The following ZNF766 variants were observed in gnomAD, a reference collection of about 807,000 sequenced individuals.
The protein encoded by ZNF766 is zinc finger protein 766.
Under a neutral mutation model 13.2 loss-of-function variants are expected in ZNF766, and 13 were observed. That is an observed-to-expected ratio of 0.98 (90% confidence interval 0.64 to 1.56). The LOEUF (loss-of-function observed/expected upper bound fraction) is 1.56. Among genes scored for constraint, ZNF766 ranks in the 40% most tolerant of loss-of-function variants. The probability of loss-of-function intolerance (pLI) is 0.00; values close to 1 mark genes in which losing one functional copy is unlikely to be tolerated. For synonymous variants in ZNF766, 178 were observed against 187.6 expected (o/e 0.95, Z 0.42); for missense variants, 521 against 552.2 (o/e 0.94, Z 0.57).
In ZNF766 at chr19:52,294,064, T is replaced by C. The variant is rs1982259172; in HGVS notation, c.*2866T>C. On this transcript the variant is annotated 3_prime_UTR_variant, in exon 4 of 4. Transcript: ENST00000439461. ...ATTATGTTTCTGTGTGCCTTTTTCT[T>C]GTGTGCCAAGTAAGACCCATGGCAG... 6.6e-6 allele frequency: 1 copy of C among 152,152 alleles called. No homozygotes were observed. 9.4% of individuals were successfully genotyped at this position (152,152 alleles called of 1,614,324 possible). A position where few individuals can be genotyped will look rare whatever the true frequency, so the allele number is the denominator to read the frequency against.
Position 52,286,187 on chromosome 19 carries a change from T to TCCCCC in ZNF766, c.274+2774_274+2775insCCCCC, listed in dbSNP as rs1217551547. Among the ~76,000 whole-genome samples the TCCCCC allele has an allele frequency of 5.4e-3, 684 of 126,736 alleles. 15 individuals are homozygous for TCCCCC. The highest frequency in any genetic ancestry group is 0.014 in the African/African-American group (436 of 31,392). The allele number at this position is 126,736 out of a possible 152,430, so 83.1% of individuals were successfully genotyped here. A position where few individuals can be genotyped will look rare whatever the true frequency, so the allele number is the denominator to read the frequency against. On this transcript the variant is annotated intron_variant, in intron 3 of 3. Coordinates refer to ENST00000439461, the MANE Select transcript of ZNF766 (RefSeq NM_001010851.3). ...AGAAAGAAAGAATCCAAGTGGGCTT[T>TCCCCC]TCCCCCCTAATTATAAAGGAAAAGC...
chr19:52,290,011 C>A, intron 3 of ZNF766, 55 bp from the exon 4 acceptor site: 1 of 1,522,154 alleles, frequency 6.6e-7, no homozygotes, highest in South Asian at 1.3e-5. Flanking sequence ...AAAAAAAGTG[C>A]AAAAAACATG....
chr19:52,290,789 G>C lies in ZNF766; in HGVS notation c.998G>C (p.Gly333Ala). 1 of 1,613,780 alleles carries C rather than the reference G, an allele frequency of 6.2e-7. No homozygotes were observed. Residue 333 changes from glycine (G) to alanine (A), a missense_variant, in exon 4 of 4, where the codon GGC becomes GCC. Physicochemically the swap from Gly to Ala is moderately conservative, Grantham distance 60. Coordinates refer to ENST00000439461, the MANE Select transcript of ZNF766 (RefSeq NM_001010851.3). The stretch of plus-strand genomic sequence containing the variant: ...AAACTTTACAAATGTAATAAATGTG[G>C]CAAAGAATTTAGTGGGCATTCAAGC... ...GEKLYKCNKC[G>A]KEFSGHSSLT... is the part of the protein sequence containing the mutation.
At chr19:52,272,970 C>T (rs980704703) in intron 1 of ZNF766, among the ~76,000 whole-genome samples, 2 of 152,120 alleles carry the variant, frequency 1.3e-5, no homozygotes, top group African/African-American at 4.8e-5. Context: ...CTGAACTTGT[C>T]ATATGTTCAA....
intron 3 of ZNF766, chr19:52,287,940 C>T (rs1187141024): frequency 2.5e-6 from 1 of 403,018 alleles, no homozygotes; most frequent in Non-Finnish European, 4.7e-6. Context: ...ACTTTCCTGA[C>T]TTTCTCTAGT....
intron 1 of ZNF766, among the ~76,000 whole-genome samples, chr19:52,273,716 A>G (rs1600194078): frequency 6.6e-6 from 1 of 152,194 alleles, no homozygotes; most frequent in East Asian, 1.9e-4. Flanking sequence ...ACTGTGGTCC[A>G]CATTGCCTGC....
chr19:52,281,220 A>G (rs1981497871), intron 1 of ZNF766, among the ~76,000 whole-genome samples: 2 of 151,626 alleles, frequency 1.3e-5, no homozygotes, highest in Admixed American at 1.3e-4. Flanking sequence ...TGACCTTATA[A>G]GTGTTCTACA....
chr19:52,271,779 G>A (rs1487416240), intron 1 of ZNF766, among the ~76,000 whole-genome samples: 1 of 152,134 alleles, frequency 6.6e-6, no homozygotes, highest in Non-Finnish European at 1.5e-5. Context: ...GGCCAGCACG[G>A]TGAAACCCCA....
chr19:52,277,187 C>T (rs984564244), intron 1 of ZNF766: 6 of 1,158,062 alleles, frequency 5.2e-6, no homozygotes, highest in Non-Finnish European at 6.4e-6. Flanking sequence ...TGGCCGGGCG[C>T]GGGGGCTCAT....
Position 52,291,557 on chromosome 19 carries a change from G to T in ZNF766, c.*359G>T, listed in dbSNP as rs767388603. ...GTGGATCACAAGGTCAGGAGTTTGA[G>T]ACCAGCCTGGCCAATATGGTGAAAC... On this transcript the variant is annotated 3_prime_UTR_variant, in exon 4 of 4. Coordinates refer to ENST00000439461, the MANE Select transcript of ZNF766 (RefSeq NM_001010851.3). 1 of 189,702 alleles carries T rather than the reference G, an allele frequency of 5.3e-6. No individual in the cohort carries two copies. The allele number at this position is 189,702 out of a possible 1,614,324, so 11.8% of individuals were successfully genotyped here. A position where few individuals can be genotyped will look rare whatever the true frequency, so the allele number is the denominator to read the frequency against.
intron 3 of ZNF766, 144 bp downstream of exon 3, chr19:52,283,557 C>G (rs1417222792): frequency 9.0e-7 from 1 of 1,106,550 alleles, no homozygotes; most frequent in East Asian, 2.8e-5. Context: ...CCTGCTTTGG[C>G]CTCCCAAAGT....
At chr19:52,269,806 G>C (rs1424976522) in intron 1 of ZNF766, among the ~76,000 whole-genome samples, 175 bp downstream of exon 1, 1 of 152,156 alleles carries the variant, frequency 6.6e-6, no homozygotes, top group Admixed American at 6.5e-5. Flanking sequence ...TTCTGTCTCC[G>C]GTCGTTCTGC....
intron 1 of ZNF766, among the ~76,000 whole-genome samples, chr19:52,278,070 T>C (rs775907574): frequency 6.7e-6 from 1 of 149,198 alleles, no homozygotes; most frequent in Non-Finnish European, 1.5e-5. Context: ...CCTCCCAGGC[T>C]CAAGCAGTCC....
rs757384804 is a variant in ZNF766, at chr19:52,291,053, C to G, written c.1262C>G (p.Thr421Ser). 3 of 1,613,834 alleles carry G rather than the reference C, an allele frequency of 1.9e-6. No individual in the cohort carries two copies. Among genetic ancestry groups the G allele is most frequent in the Non-Finnish European group, 1.7e-6 (2 of 1,179,950 alleles). ...YKCNECGKVF[T>S]QNSHLANHQR... ...TGTAATGAGTGTGGCAAAGTCTTCACTCAGAATTCACACCTTGCAAATCAT... is the reference window on the plus strand; with the variant it reads ...TGTAATGAGTGTGGCAAAGTCTTCAGTCAGAATTCACACCTTGCAAATCAT... Residue 421 changes from threonine to serine, a missense_variant, in exon 4 of 4, where the codon ACT becomes AGT. Transcript: ENST00000439461.
intron 1 of ZNF766, among the ~76,000 whole-genome samples, chr19:52,276,558 C>T (rs1227427493): frequency 6.6e-6 from 1 of 151,666 alleles, no homozygotes; most frequent in African/African-American, 2.4e-5. Context: ...TTTGTGGTAC[C>T]TCATTGGTTT....
chr19:52,277,262 A>G, intron 1 of ZNF766: 1 of 1,099,076 alleles, frequency 9.1e-7, no homozygotes, highest in Non-Finnish European at 1.2e-6. Context: ...GATCAAGACC[A>G]TCCTGGCTAA....
rs932723712 is a variant in ZNF766, at chr19:52,295,190, T to TG, written c.*3992_*3993insG. The TG allele has an allele frequency of 1.6e-4, 25 of 152,058 alleles. 1 individual carries two copies. The highest frequency in any genetic ancestry group is 1.4e-3 in the Admixed American group (22 of 15,266). The allele number at this position is 152,058 out of a possible 1,614,324, so 9.4% of individuals were successfully genotyped here. On this transcript the variant is annotated 3_prime_UTR_variant, in exon 4 of 4. Coordinates refer to ENST00000439461, the MANE Select transcript of ZNF766 (RefSeq NM_001010851.3). Reference sequence around the variant, plus strand: ...CATCCAGATGCTATGCTTGTTTGTTTTTTTTTTTGAGACAGAGTCTTGCTC... The same window carrying TG: ...CATCCAGATGCTATGCTTGTTTGTTTGTTTTTTTTGAGACAGAGTCTTGCTC...
At chr19:52,285,456 G>T (rs1171997446) in intron 3 of ZNF766, among the ~76,000 whole-genome samples, 1 of 152,118 alleles carries the variant, frequency 6.6e-6, no homozygotes, top group Non-Finnish European at 1.5e-5. Flanking sequence ...CCCATCTTTG[G>T]GCCCAATTAG....
chr19:52,280,386 A>G (rs1981442095), intron 1 of ZNF766, among the ~76,000 whole-genome samples: 1 of 152,182 alleles, frequency 6.6e-6, no homozygotes, highest in Non-Finnish European at 1.5e-5. Flanking sequence ...AAAGATGACA[A>G]ATATCATCTA....
Sources: allele counts gnomAD v4.1 joint callset (sites outside exome capture counted in the v4.1 genomes callset), GRCh38; gene constraint gnomAD v4.1.1; transcripts MANE v1.5; gene names NCBI Gene and HGNC (gene_info 2026-07-23, HGNC 2026-07-21).